Variants in NME8 observed in about 807,000 individuals in gnomAD.
The protein encoded by NME8 is NME/NM23 family member 8.
Under a neutral mutation model 82.3 loss-of-function variants are expected in NME8, and 72 were observed. That is an observed-to-expected ratio of 0.87 (90% CI 0.72 to 1.06). NME8 has a LOEUF of 1.06. Ranked by LOEUF, NME8 falls within the 50% of genes least tolerant of loss-of-function variation. The pLI, the probability that NME8 is intolerant of heterozygous loss-of-function variation, is 0.00. For missense variants in NME8, 712 were observed against 685.4 expected (o/e 1.04, Z -0.43); for synonymous variants, 267 against 228.5 (o/e 1.17, Z -1.52).
intron 13 of NME8, among the ~76,000 whole-genome samples, chr7:37,884,700 A>G (rs913952448): frequency 5.3e-5 from 8 of 152,232 alleles, no homozygotes; most frequent in Non-Finnish European, 1.0e-4. Flanking sequence ...GTTGAACACC[A>G]GAAGTCCAGG....
At position 37,876,968 on chromosome 7, in the gene NME8, T is replaced by C; in HGVS notation, c.955T>C (p.Leu319=). Reference sequence around the variant, plus strand: ...GAAAAGCATGAAATTAGAAAAGACATTGGCATTACTTCGACCAAATCTCTT... The same window carrying C: ...GAAAAGCATGAAATTAGAAAAGACACTGGCATTACTTCGACCAAATCTCTT... ...KMKSMKLEKT[L]ALLRPNLFHE... The change falls in exon 12 of 18, where the codon TTG becomes CTG. Residue 319 remains leucine, a synonymous_variant. Transcript: ENST00000199447. The C allele has an allele frequency of 3.7e-6, 6 of 1,613,294 alleles. No homozygotes were observed. Among genetic ancestry groups the C allele is most frequent in the Non-Finnish European group, 5.1e-6 (6 of 1,179,532 alleles).
chr7:37,878,837 C>A (rs1228366556), intron 12 of NME8, among the ~76,000 whole-genome samples: 10 of 152,110 alleles, frequency 6.6e-5, no homozygotes, highest in Admixed American at 6.5e-4. Context: ...CTGTGATACA[C>A]TTTTACAGTT....
chr7:37,888,417 G>C lies in NME8; in HGVS notation c.1388G>C (p.Ser463Thr). 2 of 1,612,808 alleles carry C rather than the reference G, an allele frequency of 1.2e-6. No homozygotes were observed. The highest frequency in any genetic ancestry group is 1.7e-6 in the Non-Finnish European group (2 of 1,179,240). ...GGCTTGATTAAACCTCATGCAACAA[G>C]TGAACAAAGAGGTAAATATTTAAGA... ...TLGLIKPHAT[S>T]EQREQILKIV... Residue 463 changes from serine (S) to threonine (T), a missense_variant, in exon 15 of 18, where the codon AGT (serine) becomes ACT (threonine). Transcript: ENST00000199447.
At chr7:37,854,601 G>A (rs1303993199) in intron 5 of NME8, among the ~76,000 whole-genome samples, 3 of 152,148 alleles carry the variant, frequency 2.0e-5, no homozygotes, top group African/African-American at 7.2e-5. Flanking sequence ...GAAGTCAAAA[G>A]CAGTCTTGAA....
At chr7:37,870,620 T>C (rs541299665) in intron 11 of NME8, among the ~76,000 whole-genome samples, 2 of 151,540 alleles carry the variant, frequency 1.3e-5, no homozygotes, top group African/African-American at 4.8e-5. Flanking sequence ...TTTACCAATT[T>C]GTGTTGGGCC....
Position 37,857,343 on chromosome 7 carries a change from G to C in NME8, c.268G>C (p.Val90Leu). The change falls in exon 6 of 18, where the codon GTT becomes CTT. Residue 90 changes from valine to leucine, a missense_variant and splice_region_variant. Transcript: ENST00000199447. Reference protein sequence around the residue: ...DKCEPVFLFSVNGKIIEKIQG... With the variant: ...DKCEPVFLFSLNGKIIEKIQG... ...ATGTGAACCTGTTTTTCTCTTTAGT[G>C]TTGTAAGTATATTTACTTTCTCAAT... 1 of 1,597,924 alleles carries C rather than the reference G, an allele frequency of 6.3e-7. No homozygotes were observed. The highest frequency in any genetic ancestry group is 1.1e-5 in the South Asian group (1 of 90,628).
chr7:37,856,627 C>T (rs557489535), intron 5 of NME8, among the ~76,000 whole-genome samples: 1 of 152,072 alleles, frequency 6.6e-6, no homozygotes, highest in Non-Finnish European at 1.5e-5. Context: ...TATAGTTGTT[C>T]ATAATTAATT....
At chr7:37,894,437 C>A (rs1401059443) in intron 15 of NME8, 29 bp from the exon 16 acceptor site, 2 of 1,603,380 alleles carry the variant, frequency 1.2e-6, no homozygotes, top group Admixed American at 1.7e-5. Context: ...AAGCAATCTG[C>A]AATATTATCA....
At chr7:37,893,310 C>G (rs1785161688) in intron 15 of NME8, among the ~76,000 whole-genome samples, 1 of 152,186 alleles carries the variant, frequency 6.6e-6, no homozygotes, top group Non-Finnish European at 1.5e-5. Context: ...CACTCCTACC[C>G]TAATTCATTC....
At chr7:37,894,143 G>A (rs1785179039) in intron 15 of NME8, among the ~76,000 whole-genome samples, 1 of 152,060 alleles carries the variant, frequency 6.6e-6, no homozygotes, top group Non-Finnish European at 1.5e-5. Flanking sequence ...GAAATTCCTT[G>A]GCATTTGTAG....
At chr7:37,887,313 T>G (rs903074213) in intron 14 of NME8, among the ~76,000 whole-genome samples, 1 of 152,194 alleles carries the variant, frequency 6.6e-6, no homozygotes, top group Non-Finnish European at 1.5e-5. Context: ...GTTGCTCACC[T>G]GGAGGTTTCC....
chr7:37,885,545 C>T (rs1424088140), intron 14 of NME8, among the ~76,000 whole-genome samples: 1 of 152,170 alleles, frequency 6.6e-6, no homozygotes, highest in Non-Finnish European at 1.5e-5. Context: ...ACCCTACCCG[C>T]TATTTAGGAG....
chr7:37,856,844 C>T (rs1784519179), intron 5 of NME8, among the ~76,000 whole-genome samples: 1 of 152,088 alleles, frequency 6.6e-6, no homozygotes, highest in Non-Finnish European at 1.5e-5. Flanking sequence ...TCTAACAGAG[C>T]AGGTGTAACA....
At chr7:37,882,601 G>GAAAGAAAGAA (rs1252084762) in intron 12 of NME8, among the ~76,000 whole-genome samples, 30 of 35,962 alleles carry the variant, frequency 8.3e-4, no homozygotes, top group African/African-American at 1.6e-3. Flanking sequence ...GAAAGAAAGA[G>GAAAGAAAGAA]AGAGAGAGAG....
Position 37,857,353 on chromosome 7 carries a change from T to C in NME8, c.270+8T>C, listed in dbSNP as rs1209308578. 1.3e-6 allele frequency: 2 copies of C among 1,574,196 alleles called. No individual in the cohort carries two copies. Among genetic ancestry groups the C allele is most frequent in the Non-Finnish European group, 8.7e-7 (1 of 1,144,558 alleles). The stretch of plus-strand genomic sequence containing the variant: ...GTTTTTCTCTTTAGTGTTGTAAGTA[T>C]ATTTACTTTCTCAATTGCATTATCA... On this transcript the variant is annotated splice_region_variant and intron_variant, in intron 6 of 17. Transcript: ENST00000199447.
At chr7:37,897,550 A>T (rs921704264) in intron 17 of NME8, among the ~76,000 whole-genome samples, 4 of 152,188 alleles carry the variant, frequency 2.6e-5, no homozygotes, top group African/African-American at 9.6e-5. Flanking sequence ...AAAACAAACC[A>T]AACCAAAACA....
chr7:37,869,849 A>G (rs576550845), intron 11 of NME8, among the ~76,000 whole-genome samples: 1 of 152,204 alleles, frequency 6.6e-6, no homozygotes, highest in African/African-American at 2.4e-5. Flanking sequence ...TGCTGAACTG[A>G]AAAAGCCTCA....
At chr7:37,871,292 G>T (rs562870716) in intron 11 of NME8, among the ~76,000 whole-genome samples, 7 of 152,272 alleles carry the variant, frequency 4.6e-5, no homozygotes, top group African/African-American at 1.7e-4. Flanking sequence ...GCTGCAGAAG[G>T]GTGGGGGAAG....
intron 15 of NME8, among the ~76,000 whole-genome samples, chr7:37,889,938 T>C (rs1213320317): frequency 1.3e-5 from 2 of 149,762 alleles, no homozygotes; most frequent in Non-Finnish European, 1.5e-5. Context: ...TTGTTGGCTA[T>C]ATTTCCTGTA....
Sources: allele counts gnomAD v4.1 joint callset (sites outside exome capture counted in the v4.1 genomes callset), GRCh38; gene constraint gnomAD v4.1.1; transcripts MANE v1.5; gene names NCBI Gene and HGNC (gene_info 2026-07-23, HGNC 2026-07-21).